The following SI variants were observed in gnomAD, a reference collection of about 807,000 sequenced individuals.
SI encodes sucrase-isomaltase.
SI carries 235 observed loss-of-function variants against 253.3 expected under a neutral mutation model. The ratio of observed to expected loss-of-function variants is 0.93; its 90% CI spans 0.83 to 1.03. The LOEUF is 1.03. Among genes scored for constraint, SI ranks in the 50% least tolerant of loss-of-function variants. The pLI is 0.00. For missense variants in SI, 2,442 were observed against 2,211.1 expected (o/e 1.10, Z -2.09); for synonymous variants, 819 against 712.0 (o/e 1.15, Z -2.39).
intron 13 of SI, among the ~76,000 whole-genome samples, chr3:165,050,710 T>C (rs1215212531): frequency 1.3e-5 from 2 of 152,148 alleles, no homozygotes; most frequent in Non-Finnish European, 2.9e-5. Context: ...AATAGTCTCC[T>C]TTCACATAAA....
At chr3:165,049,960 T>G in intron 13 of SI, 85 bp from the exon 14 acceptor site, 1 of 863,834 alleles carries the variant, frequency 1.2e-6, no homozygotes, top group South Asian at 1.4e-5. Flanking sequence ...TTGAAAATGT[T>G]TTATATAAGA....
chr3:165,030,061 C>A (rs1190240005), intron 25 of SI, among the ~76,000 whole-genome samples: 2 of 149,342 alleles, frequency 1.3e-5, no homozygotes, highest in Non-Finnish European at 3.0e-5. Context: ...TGTCTTGACT[C>A]GCCTCAGTGA....
chr3:165,037,974 T>A lies in SI; in HGVS notation c.2352A>T (p.Ala784=), dbSNP rs377200957. The A allele has an allele frequency of 8.1e-6, 13 of 1,611,162 alleles. No individual in the cohort carries two copies. Among genetic ancestry groups the A allele is most frequent in the Non-Finnish European group, 1.1e-5 (13 of 1,177,986 alleles). Residue 784 remains alanine (A), a synonymous_variant, in exon 21 of 48, where the codon GCA becomes GCT. Transcript: ENST00000264382. ...RKQRVDMYLP[A]DKIGLHLRGG... Reference sequence around the variant, plus strand: ...CTCTAAGATGTAATCCTATTTTGTCTGCTGGAAGATACATATCAACCCGTT... The same window carrying A: ...CTCTAAGATGTAATCCTATTTTGTCAGCTGGAAGATACATATCAACCCGTT...
chr3:165,007,166 GA>G (rs1718552569), intron 36 of SI, among the ~76,000 whole-genome samples: 1 of 152,008 alleles, frequency 6.6e-6, no homozygotes, highest in South Asian at 2.1e-4. Context: ...ATAAAAACCT[GA>G]AAAATAAGTA....
At position 165,036,434 on chromosome 3, in the gene SI, T is replaced by C; in HGVS notation, c.2470A>G (p.Asn824Asp). 5.0e-6 allele frequency: 8 copies of C among 1,611,768 alleles called. No homozygotes were observed. The highest frequency in any genetic ancestry group is 6.8e-6 in the Non-Finnish European group (8 of 1,178,514). The change falls in exon 22 of 48, where the codon AAC (asparagine) becomes GAC (aspartate). Residue 824 changes from asparagine (N) to aspartate (D), a missense_variant. By Grantham distance (23) the Asn-to-Asp change is conservative. Coordinates refer to ENST00000264382, the MANE Select transcript of SI (RefSeq NM_001041.4). ...CAGAAAAAGTCTCCTTTGGCTGTGT[T>C]GTTTTCACCTAATGCGACTATAAGT... is the stretch of plus-strand genomic sequence containing the variant. ...LGLIVALGEN[N>D]TAKGDFFWDD...
Position 165,017,666 on chromosome 3 carries a change from C to T in SI, c.3641G>A (p.Gly1214Asp), listed in dbSNP as rs1376420690. 1.2e-6 allele frequency: 2 copies of T among 1,612,382 alleles called. No homozygotes were observed. Among genetic ancestry groups the T allele is most frequent in the Non-Finnish European group, 1.7e-6 (2 of 1,178,978 alleles). The change falls in exon 31 of 48, where the codon GGC (glycine) becomes GAC (aspartate). Residue 1214 changes from glycine (G) to aspartate (D), a missense_variant. Gly to Asp is a moderately conservative substitution (Grantham distance 94, BLOSUM62 -1). Transcript: ENST00000264382. ...VATKQYHEVI[G>D]HPVMPAYWAL... is the part of the protein sequence containing the mutation. Reference sequence around the variant, plus strand: ...CCAATAAGCTGGCATGACTGGATGGCCAATTACCTTTAAAAAAAATTCATG... The same window carrying T: ...CCAATAAGCTGGCATGACTGGATGGTCAATTACCTTTAAAAAAAATTCATG...
chr3:165,080,284 T>C (rs554218415), upstream of SI, among the ~76,000 whole-genome samples: 6 of 152,020 alleles, frequency 3.9e-5, no homozygotes, highest in Non-Finnish European at 7.4e-5. Flanking sequence ...GCAAAGATTC[T>C]TTCCAGCTTT....
At chr3:164,992,931 TTTTG>T (rs949849611) in intron 41 of SI, among the ~76,000 whole-genome samples, 4 of 151,940 alleles carry the variant, frequency 2.6e-5, no homozygotes, top group African/African-American at 9.6e-5. Flanking sequence ...AAGGTTTTTT[TTTTG>T]TTTGTTTTGT....
At chr3:164,994,736 T>C (rs1717932546) in intron 40 of SI, among the ~76,000 whole-genome samples, 1 of 151,578 alleles carries the variant, frequency 6.6e-6, no homozygotes, top group Non-Finnish European at 1.5e-5. Flanking sequence ...GTGTAGGAGA[T>C]AAATGAAATG....
At chr3:164,982,755 T>C (rs1051360585) in intron 46 of SI, among the ~76,000 whole-genome samples, 3 of 152,032 alleles carry the variant, frequency 2.0e-5, no homozygotes, top group African/African-American at 7.2e-5. Context: ...ACTCCTAGAT[T>C]CCAGTGACCC....
chr3:165,084,199 T>C, the SI span, among the ~76,000 whole-genome samples: 4 of 152,068 alleles, frequency 2.6e-5, no homozygotes, highest in Admixed American at 2.6e-4. Context: ...GAATGCACCA[T>C]CTATAAACCA....
At position 165,049,126 on chromosome 3, in the gene SI, C is replaced by A; in HGVS notation, c.1715+1G>T. On this transcript the variant is annotated splice_donor_variant, in intron 15 of 47. Coordinates refer to ENST00000264382, the MANE Select transcript of SI (RefSeq NM_001041.4). LOFTEE classifies it high-confidence loss of function. ...AAGTCTTTGAATGAAATTGCACTTA[C>A]TGCTCTGTGGCTATAGCCATGCTGT... is the stretch of plus-strand genomic sequence containing the variant. The A allele has an allele frequency of 1.3e-6, 2 of 1,495,934 alleles. No homozygotes were observed. Among genetic ancestry groups the A allele is most frequent in the Non-Finnish European group, 1.9e-6 (2 of 1,072,262 alleles). The allele number at this position is 1,495,934 out of a possible 1,614,324, so 92.7% of individuals were successfully genotyped here. A position where few individuals can be genotyped will look rare whatever the true frequency, so the allele number is the denominator to read the frequency against.
chr3:165,040,037 AG>A, intron 18 of SI, 66 bp from the exon 19 acceptor site: 2 of 1,288,892 alleles, frequency 1.6e-6, no homozygotes, highest in Non-Finnish European at 2.3e-6. Flanking sequence ...TTCCTGGTTC[AG>A]TTTATCTTTT....
At chr3:165,048,548 T>C (rs2108230832) in intron 15 of SI, among the ~76,000 whole-genome samples, 1 of 114,064 alleles carries the variant, frequency 8.8e-6, no homozygotes, top group African/African-American at 3.5e-5. Context: ...TAGTTAAATA[T>C]ATATATACAT....
chr3:165,018,606 T>C (rs374006119), intron 28 of SI, among the ~76,000 whole-genome samples: 1 of 151,066 alleles, frequency 6.6e-6, no homozygotes, highest in East Asian at 1.9e-4. Flanking sequence ...ACTGTAATCA[T>C]AGTCAGATTT....
chr3:165,015,198 G>A lies in SI; in HGVS notation c.3924C>T (p.Tyr1308=), dbSNP rs1718967645. The stretch of plus-strand genomic sequence containing the variant: ...TCTGCTGTCCTCTTTCAAATGCAGG[G>A]TAAGTCTTTGTTTCATTTCCTGAAA... The part of the protein sequence containing the change: ...PAISGNETKT[Y]PAFERGQQND... The change falls in exon 33 of 48, where the codon TAC becomes TAT. Residue 1308 remains tyrosine (Y), a synonymous_variant. Transcript: ENST00000264382. 1 of 1,613,242 alleles carries A rather than the reference G, an allele frequency of 6.2e-7. No individual in the cohort carries two copies. The highest frequency in any genetic ancestry group is 8.5e-7 in the Non-Finnish European group (1 of 1,179,500).
chr3:165,003,189 T>C (rs1718336823), intron 37 of SI, among the ~76,000 whole-genome samples: 1 of 151,956 alleles, frequency 6.6e-6, no homozygotes, highest in South Asian at 2.1e-4. Flanking sequence ...TTTGACTCTG[T>C]AATGTGCTTC....
upstream of SI, among the ~76,000 whole-genome samples, chr3:165,083,002 T>TA (rs1161662656): frequency 6.6e-6 from 1 of 151,944 alleles, no homozygotes; most frequent in Non-Finnish European, 1.5e-5. Flanking sequence ...CCAGGTATCA[T>TA]AATCTTTGTT....
chr3:165,052,300 G>T (rs1404158475), intron 13 of SI, among the ~76,000 whole-genome samples: 2 of 152,118 alleles, frequency 1.3e-5, no homozygotes, highest in African/African-American at 4.8e-5. Context: ...ACAACTAGTA[G>T]ATTTGGAACA....
Sources: gnomAD v4.1 joint callset for allele counts (sites outside exome capture counted in the v4.1 genomes callset) on GRCh38, gnomAD v4.1.1 for gene constraint, MANE v1.5 for transcripts, NCBI Gene and HGNC (gene_info 2026-07-23, HGNC 2026-07-21) for gene names.